ADIPOQ: variants seen among roughly 807,000 people sequenced by gnomAD.
ADIPOQ encodes the protein adiponectin, C1Q and collagen domain containing, also known as adiponectin.
A neutral mutation model predicts 16.1 loss-of-function variants in ADIPOQ; 19 were observed. That is an observed-to-expected ratio of 1.18 (90% CI 0.82 to 1.73). The LOEUF (loss-of-function observed/expected upper bound fraction) is 1.73, where lower values mean the gene tolerates loss of function less well. ADIPOQ is among the 40% of genes most tolerant of loss of function. The pLI is 0.00. For synonymous variants in ADIPOQ, 124 were observed against 125.5 expected, an observed-to-expected ratio of 0.99 and a Z score of 0.08; for missense variants, 323 against 308.3, an observed-to-expected ratio of 1.05 and a Z score of -0.36.
chr3:186,846,470 G>A (rs1005567155), intron 1 of ADIPOQ, among the ~76,000 whole-genome samples: 1 of 152,082 alleles, frequency 6.6e-6, no homozygotes, highest in East Asian at 1.9e-4. Context: ...CTGACTTCAT[G>A]TGACCCACCC....
rs552261972 is a variant in ADIPOQ at position 186,855,294 on chromosome 3, G to A, written c.*590G>A. ...GGTTCTATGATGACGTCCTGTCTTG[G>A]AAGGACTACTACTCAATGGCCCCTG... On this transcript the variant is annotated 3_prime_UTR_variant, in exon 3 of 3. Transcript: ENST00000320741. 6.0e-6 allele frequency: 1 copy of A among 165,428 alleles called. No homozygotes were observed. Among genetic ancestry groups the A allele is most frequent in the East Asian group, 1.8e-4 (1 of 5,688 alleles). The allele number at this position is 165,428 out of a possible 1,614,324, so 10.2% of individuals were successfully genotyped here.
rs1711846575 is a variant in ADIPOQ, at chr3:186,853,155, A to C, written c.97A>C (p.Lys33Gln). Residue 33 changes from lysine to glutamine, a missense_variant, in exon 2 of 3, where the codon AAG (lysine) becomes CAG (glutamine). Physicochemically the swap from Lys to Gln is moderately conservative, Grantham distance 53. Coordinates refer to ENST00000320741, the MANE Select transcript of ADIPOQ (RefSeq NM_004797.4). Reference protein sequence around the residue: ...QGPGVLLPLPKGACTGWMAGI... With the variant: ...QGPGVLLPLPQGACTGWMAGI... ...GCCCGGAGTCCTGCTTCCCCTGCCC[A>C]AGGGGGCCTGCACAGGTTGGATGGC... 1 of 1,614,166 alleles carries C rather than the reference A, an allele frequency of 6.2e-7. No homozygotes were observed. Among genetic ancestry groups the C allele is most frequent in the South Asian group, 1.1e-5 (1 of 91,082 alleles).
rs1334583212 is a variant in ADIPOQ, at chr3:186,856,699, C to G, written c.*1995C>G. 1 of 152,218 alleles carries G rather than the reference C, an allele frequency of 6.6e-6. No individual in the cohort carries two copies. Among genetic ancestry groups the G allele is most frequent in the South Asian group, 2.1e-4 (1 of 4,810 alleles). 9.4% of individuals were successfully genotyped at this position (152,218 alleles called of 1,614,324 possible). A position where few individuals can be genotyped will look rare whatever the true frequency, so the allele number is the denominator to read the frequency against. ...ACTCCTGACCTTGTGATCTGCCCGC[C>G]TCCATTTTTGTTGTTATTTTTTGAG... On this transcript the variant is annotated 3_prime_UTR_variant, in exon 3 of 3. Transcript: ENST00000320741.
chr3:186,853,618 CT>C (rs975751918), intron 2 of ADIPOQ, among the ~76,000 whole-genome samples: 2 of 152,178 alleles, frequency 1.3e-5, no homozygotes, highest in African/African-American at 4.8e-5. Flanking sequence ...TGCACACCCC[CT>C]GAAAGGCTCA....
rs1711921713 is a variant in ADIPOQ, at chr3:186,854,575, C to T, written c.606C>T (p.Leu202=). 6.2e-7 allele frequency: 1 copy of T among 1,614,034 alleles called. No individual in the cohort carries two copies. Among genetic ancestry groups the T allele is most frequent in the Non-Finnish European group, 8.5e-7 (1 of 1,179,884 alleles). The change falls in exon 3 of 3, where the codon CTC becomes CTT. Residue 202 remains leucine, a synonymous_variant. Transcript: ENST00000320741. ...NNVDQASGSV[L]LHLEVGDQVW... is the part of the protein sequence containing the mutation. ...TGGACCAGGCCTCCGGCTCTGTGCT[C>T]CTGCATCTGGAGGTGGGCGACCAAG...
rs200923133 is a variant in ADIPOQ at position 186,856,263 on chromosome 3, G to C, written c.*1559G>C. ...TTGATGGTGGTAAACATTCTCTCAG[G>C]AGACAATAACTCCAGTGATGTTCTT... On this transcript the variant is annotated 3_prime_UTR_variant, in exon 3 of 3. Transcript: ENST00000320741. 1.3e-5 allele frequency: 2 copies of C among 152,178 alleles called. No individual in the cohort carries two copies. Among genetic ancestry groups the C allele is most frequent in the Admixed American group, 6.5e-5 (1 of 15,270 alleles). The allele number at this position is 152,178 out of a possible 1,614,324, so 9.4% of individuals were successfully genotyped here.
At chr3:186,852,811 T>A (rs1711827442) in intron 1 of ADIPOQ, 1 of 514,920 alleles carries the variant, frequency 1.9e-6, no homozygotes, top group African/African-American at 1.9e-5. Flanking sequence ...GAATTCATAA[T>A]CTTGGTGAGG....
In ADIPOQ at chr3:186,850,672, C is replaced by A. The variant is rs1579206809; in HGVS notation, c.-8-2379C>A. 2.0e-5 allele frequency among the ~76,000 whole-genome samples: 3 copies of A among 151,886 alleles called. No individual in the cohort carries two copies. The East Asian group carries it at 5.8e-4, about 29-fold the overall frequency. ...AAAAGTTTGATGAAATATAAATGGT[C>A]AAATATATATTGATTATATCCACTT... On this transcript the variant is annotated intron_variant, in intron 1 of 2. Transcript: ENST00000320741.
rs933764141 is a variant in ADIPOQ at position 186,856,210 on chromosome 3, G to T, written c.*1506G>T. 3.3e-5 allele frequency: 5 copies of T among 152,112 alleles called. No homozygotes were observed. The highest frequency in any genetic ancestry group is 1.3e-4 in the Admixed American group (2 of 15,260). The allele number at this position is 152,112 out of a possible 1,614,324, so 9.4% of individuals were successfully genotyped here. Reference sequence around the variant, plus strand: ...GACTGGGCCTCCTGAATTTATTATTGTTCTTTAAGAATTACAGGTTGAGGT... The same window carrying T: ...GACTGGGCCTCCTGAATTTATTATTTTTCTTTAAGAATTACAGGTTGAGGT... On this transcript the variant is annotated 3_prime_UTR_variant, in exon 3 of 3. Transcript: ENST00000320741.
intron 1 of ADIPOQ, among the ~76,000 whole-genome samples, chr3:186,851,235 C>A (rs1711756254): frequency 6.6e-6 from 1 of 152,134 alleles, no homozygotes; most frequent in African/African-American, 2.4e-5. Context: ...AAATAAAGTA[C>A]ATGGACTACA....
intron 1 of ADIPOQ, chr3:186,851,974 T>C (rs929010280): frequency 5.8e-6 from 1 of 171,290 alleles, no homozygotes; most frequent in Non-Finnish European, 1.2e-5. Flanking sequence ...CTTACAATCA[T>C]GGTGGAAGAA....
rs540944186 is a variant in ADIPOQ at position 186,856,422 on chromosome 3, AT to A, written c.*1724del. ...GTGTATTGCTAATCATTAAGGTATT[AT>A]TTTTTCCACATATAAAGCTTTGTCT... On this transcript the variant is annotated 3_prime_UTR_variant, in exon 3 of 3. Coordinates refer to ENST00000320741, the MANE Select transcript of ADIPOQ (RefSeq NM_004797.4). The A allele has an allele frequency of 3.3e-5, 5 of 152,112 alleles. No homozygotes were observed. The highest frequency in any genetic ancestry group is 1.2e-4 in the African/African-American group (5 of 41,508). The allele number at this position is 152,112 out of a possible 1,614,324, so 9.4% of individuals were successfully genotyped here. A position where few individuals can be genotyped will look rare whatever the true frequency, so the allele number is the denominator to read the frequency against.
chr3:186,852,819 A>G, intron 1 of ADIPOQ: 1 of 526,092 alleles, frequency 1.9e-6, no homozygotes, highest in South Asian at 2.5e-5. Context: ...AATCTTGGTG[A>G]GGAAAGGAGA....
Position 186,858,132 on chromosome 3 carries a change from C to A in ADIPOQ, c.*3428C>A, listed in dbSNP as rs1212878203. The A allele has an allele frequency of 2.0e-5, 3 of 152,102 alleles. No individual in the cohort carries two copies. Among genetic ancestry groups the A allele is most frequent in the Non-Finnish European group, 4.4e-5 (3 of 68,042 alleles). 9.4% of individuals were successfully genotyped at this position (152,102 alleles called of 1,614,324 possible). On this transcript the variant is annotated 3_prime_UTR_variant, in exon 3 of 3. Transcript: ENST00000320741. ...AACTACAGGCTCATGCCACTGCGCC[C>A]AGCTAATTTTTGTATTTTTCGTAGA...
chr3:186,848,281 G>A (rs56071004), intron 1 of ADIPOQ, among the ~76,000 whole-genome samples: 13 of 107,868 alleles, frequency 1.2e-4, no homozygotes, highest in East Asian at 2.7e-4. Context: ...AAAGAAGGAA[G>A]GAAGGAAAGA....
At chr3:186,853,014 G>T in intron 1 of ADIPOQ, 37 bp from the exon 2 acceptor site, 1 of 1,610,850 alleles carries the variant, frequency 6.2e-7, no homozygotes, top group Non-Finnish European at 8.5e-7. Context: ...TGTGGGGTCT[G>T]TCTCTCCATG....
intron 1 of ADIPOQ, among the ~76,000 whole-genome samples, chr3:186,847,894 G>A (rs1171056887): frequency 3.9e-5 from 6 of 152,054 alleles, no homozygotes; most frequent in Admixed American, 2.6e-4. Context: ...GTAACAGGCC[G>A]GGCGCAGTGG....
chr3:186,853,236 G>A lies in ADIPOQ; in HGVS notation c.178G>A (p.Gly60Ser). The A allele has an allele frequency of 6.2e-7, 1 of 1,612,300 alleles. No individual in the cohort carries two copies. ...GGCCCCAGGCCGTGATGGCAGAGAT[G>A]GCACCCCTGGTGAGAAGGGTGAGAA... ...NGAPGRDGRD[G>S]TPGEKGEKGD... Residue 60 changes from glycine (G) to serine (S), a missense_variant, in exon 2 of 3, where the codon GGC (glycine) becomes AGC (serine). Coordinates refer to ENST00000320741, the MANE Select transcript of ADIPOQ (RefSeq NM_004797.4).
intron 1 of ADIPOQ, among the ~76,000 whole-genome samples, chr3:186,848,104 C>A (rs147158123): frequency 6.7e-6 from 1 of 150,224 alleles, no homozygotes; most frequent in Non-Finnish European, 1.5e-5. Flanking sequence ...ACCCAGGAGG[C>A]GGAGGTTGCA....
Sources: allele counts gnomAD v4.1 joint callset (sites outside exome capture counted in the v4.1 genomes callset), GRCh38; gene constraint gnomAD v4.1.1; transcripts MANE v1.5; gene names NCBI Gene and HGNC (gene_info 2026-07-23, HGNC 2026-07-21).